The following GRIN2A variants were observed in gnomAD, a reference collection of about 807,000 sequenced individuals.
GRIN2A encodes the protein glutamate receptor ionotropic, NMDA 2A.
Under a neutral mutation model 113.4 loss-of-function variants are expected in GRIN2A, and 22 were observed. The ratio of observed to expected loss-of-function variants is 0.19; its 90% confidence interval spans 0.14 to 0.28. The LOEUF is 0.28. GRIN2A is among the 10% of genes least tolerant of loss of function. The probability of loss-of-function intolerance (pLI) is 1.00; values close to 1 mark genes in which losing one functional copy is unlikely to be tolerated. For missense variants in GRIN2A, 1,502 were observed against 1,887.0 expected (o/e 0.80, Z 3.78); for synonymous variants, 827 against 738.4 (o/e 1.12, Z -1.94).
In GRIN2A at chr16:9,758,481, T is replaced by A. The variant is rs576350669; in HGVS notation, c.*4668A>T. 1.2e-3 allele frequency: 252 copies of A among 217,126 alleles called. 1 individual carries two copies. Among genetic ancestry groups the A allele is most frequent in the African/African-American group, 5.0e-3 (221 of 44,570 alleles). 13.4% of individuals were successfully genotyped at this position (217,126 alleles called of 1,614,324 possible). A position where few individuals can be genotyped will look rare whatever the true frequency, so the allele number is the denominator to read the frequency against. ...ATATAGTGCCCTCTCTACAGAAATA[T>A]CCTCCCATAAAAATAACCAGAATGG... On this transcript the variant is annotated 3_prime_UTR_variant, in exon 13 of 13. Coordinates refer to ENST00000330684, the MANE Select transcript of GRIN2A (RefSeq NM_001134407.3).
At chr16:10,107,446 T>C (rs2142131244) in intron 2 of GRIN2A, among the ~76,000 whole-genome samples, 1 of 152,330 alleles carries the variant, frequency 6.6e-6, no homozygotes, top group South Asian at 2.1e-4. Context: ...GGTAGTTGCA[T>C]GAGGAGTACT....
chr16:9,829,731 C>T, intron 8 of GRIN2A, 79 bp from the exon 9 acceptor site: 1 of 909,942 alleles, frequency 1.1e-6, no homozygotes, highest in South Asian at 1.3e-5. Context: ...GCAGCAGCCA[C>T]CAGCAGCACC....
At chr16:9,845,792 C>T (rs1227180015) in intron 5 of GRIN2A, among the ~76,000 whole-genome samples, 1 of 152,132 alleles carries the variant, frequency 6.6e-6, no homozygotes, top group Non-Finnish European at 1.5e-5. Context: ...CCACATACCC[C>T]GATGTACTCT....
At chr16:10,045,827 A>G (rs1220922643) in intron 2 of GRIN2A, among the ~76,000 whole-genome samples, 2 of 152,192 alleles carry the variant, frequency 1.3e-5, no homozygotes, top group African/African-American at 2.4e-5. Flanking sequence ...TTACTTGCCT[A>G]CAGGAGGCTC....
intron 2 of GRIN2A, among the ~76,000 whole-genome samples, chr16:9,973,419 T>C (rs2045713115): frequency 6.6e-6 from 1 of 152,160 alleles, no homozygotes; most frequent in Non-Finnish European, 1.5e-5. Flanking sequence ...TTAAGTCAGA[T>C]CTCTTTCACT....
intron 3 of GRIN2A, among the ~76,000 whole-genome samples, chr16:9,928,463 C>T (rs1185635019): frequency 6.6e-6 from 1 of 152,156 alleles, no homozygotes; most frequent in African/African-American, 2.4e-5. Context: ...TTAACTTTGT[C>T]TTTTTGTACA....
At chr16:10,093,204 A>T (rs1219563259) in intron 2 of GRIN2A, among the ~76,000 whole-genome samples, 6 of 152,202 alleles carry the variant, frequency 3.9e-5, no homozygotes, top group Non-Finnish European at 5.9e-5. Context: ...TCAGCACTGC[A>T]GGCAGGGTCC....
chr16:9,981,258 C>T (rs72772168), intron 2 of GRIN2A, among the ~76,000 whole-genome samples: 16,350 of 152,202 alleles, frequency 0.11, 1,065 homozygotes, highest in African/African-American at 0.15. Context: ...TGCTGCTCAG[C>T]GCCTCCAATC....
intron 2 of GRIN2A, among the ~76,000 whole-genome samples, chr16:10,023,870 C>T (rs1011212916): frequency 1.3e-5 from 2 of 152,172 alleles, no homozygotes; most frequent in Admixed American, 6.5e-5. Flanking sequence ...GAAAACATCC[C>T]AAAACATTGC....
intron 2 of GRIN2A, among the ~76,000 whole-genome samples, chr16:10,096,504 GTTC>G (rs1378946803): frequency 6.8e-6 from 1 of 146,514 alleles, no homozygotes; most frequent in Non-Finnish European, 1.5e-5. Flanking sequence ...AACTAATAGT[GTTC>G]TTCTTTTTCA....
chr16:10,065,503 G>A (rs1016959128), intron 2 of GRIN2A, among the ~76,000 whole-genome samples: 1 of 152,218 alleles, frequency 6.6e-6, no homozygotes, highest in Non-Finnish European at 1.5e-5. Flanking sequence ...TTGTTTTAAT[G>A]CATGTTTAAA....
At chr16:10,112,000 A>T in intron 2 of GRIN2A, 1 of 663,736 alleles carries the variant, frequency 1.5e-6, no homozygotes, top group Non-Finnish European at 2.7e-6. Flanking sequence ...TAGCAAGGGA[A>T]GCTGCCTGTG....
chr16:9,869,128 C>T (rs1040465089), intron 4 of GRIN2A, among the ~76,000 whole-genome samples: 10 of 152,098 alleles, frequency 6.6e-5, no homozygotes, highest in Non-Finnish European at 1.5e-5. Flanking sequence ...AATAGATGCA[C>T]AAATACCTAT....
intron 11 of GRIN2A, among the ~76,000 whole-genome samples, chr16:9,793,987 G>A (rs1596414876): frequency 6.6e-6 from 1 of 152,298 alleles, no homozygotes; most frequent in East Asian, 1.9e-4. Flanking sequence ...CCCCTTCTGG[G>A]AATATCAGTG....
At chr16:10,065,854 G>T (rs1230417802) in intron 2 of GRIN2A, among the ~76,000 whole-genome samples, 1 of 152,126 alleles carries the variant, frequency 6.6e-6, no homozygotes, top group East Asian at 1.9e-4. Flanking sequence ...TGGGAGGGGG[G>T]GCGCTTAACA....
intron 11 of GRIN2A, among the ~76,000 whole-genome samples, chr16:9,795,850 G>T (rs1902952257): frequency 6.6e-6 from 1 of 152,128 alleles, no homozygotes; most frequent in South Asian, 2.1e-4. Context: ...CCTTCCTAAA[G>T]GATTTATACA....
chr16:9,834,014 G>T, intron 8 of GRIN2A, 91 bp downstream of exon 8: 3 of 1,293,492 alleles, frequency 2.3e-6, no homozygotes, highest in Non-Finnish European at 3.4e-6. Context: ...ACCATGCCTG[G>T]TCTAGAGTAA....
At chr16:10,126,205 C>T in intron 2 of GRIN2A, among the ~76,000 whole-genome samples, 2 of 151,610 alleles carry the variant, frequency 1.3e-5, no homozygotes. Flanking sequence ...CTCTGTCGCC[C>T]AGGCTGGAAT....
intron 2 of GRIN2A, among the ~76,000 whole-genome samples, chr16:10,053,787 C>T (rs540564187): frequency 6.6e-6 from 1 of 152,284 alleles, no homozygotes; most frequent in East Asian, 1.9e-4. Flanking sequence ...ACCGCAAATA[C>T]TTTTGCACCA....
Sources: gnomAD v4.1 joint callset for allele counts (sites outside exome capture counted in the v4.1 genomes callset) on GRCh38, gnomAD v4.1.1 for gene constraint, MANE v1.5 for transcripts, NCBI Gene and HGNC (gene_info 2026-07-23, HGNC 2026-07-21) for gene names.